Variants in CCDC88C observed in about 807,000 individuals in gnomAD.
The protein encoded by CCDC88C is coiled-coil and HOOK domain protein 88C.
CCDC88C carries 131 observed loss-of-function variants against 198.8 expected under a neutral mutation model. That is an observed-to-expected ratio of 0.66 (90% confidence interval 0.57 to 0.76). The LOEUF (loss-of-function observed/expected upper bound fraction) is 0.76, where lower values mean the gene tolerates loss of function less well. CCDC88C is among the 30% of genes least tolerant of loss of function. The pLI is 0.00. For missense variants in CCDC88C, 2,553 were observed against 2,631.6 expected (o/e 0.97, Z 0.65); for synonymous variants, 1,166 against 1,114.7 (o/e 1.05, Z -0.92).
intron 6 of CCDC88C, chr14:91,342,172 T>A (rs1473824819): frequency 2.4e-6 from 1 of 417,176 alleles, no homozygotes; most frequent in Non-Finnish European, 4.3e-6. Context: ...TAATTTTTAT[T>A]TTTACCCTCA....
rs750306032 is a variant in CCDC88C, at chr14:91,289,107, T to C, written c.4439A>G (p.Lys1480Arg). The change falls in exon 25 of 30, where the codon AAA becomes AGA. Residue 1480 changes from lysine to arginine, a missense_variant and splice_region_variant. Coordinates refer to ENST00000389857, the MANE Select transcript of CCDC88C (RefSeq NM_001080414.4). ...ERDAHNGSVG[K>R]GPGDLKPKRG... ...ACGGCCAGGACGGCCGCCCCTACCTTTCCCCACAGACCCGTTGTGGGCGTC... is the reference window on the plus strand; with the variant it reads ...ACGGCCAGGACGGCCGCCCCTACCTCTCCCCACAGACCCGTTGTGGGCGTC... 6.2e-7 allele frequency: 1 copy of C among 1,611,236 alleles called. No individual in the cohort carries two copies. Among genetic ancestry groups the C allele is most frequent in the African/African-American group, 1.3e-5 (1 of 74,838 alleles).
intron 3 of CCDC88C, among the ~76,000 whole-genome samples, chr14:91,372,430 A>G (rs1051700752): frequency 3.3e-5 from 5 of 150,326 alleles, no homozygotes; most frequent in African/African-American, 1.2e-4. Flanking sequence ...GGAGCAGAGG[A>G]GAGCGGGGAA....
chr14:91,413,230 C>T (rs1886877275), intron 2 of CCDC88C, among the ~76,000 whole-genome samples: 1 of 152,218 alleles, frequency 6.6e-6, no homozygotes, highest in Non-Finnish European at 1.5e-5. Flanking sequence ...TGTCCACACA[C>T]AAACTCAGAT....
chr14:91,307,799 CGTG>C (rs1279018607), intron 17 of CCDC88C, among the ~76,000 whole-genome samples: 30 of 152,214 alleles, frequency 2.0e-4, no homozygotes, highest in African/African-American at 5.3e-4. Flanking sequence ...TGTGCACACA[CGTG>C]GTGGGCACAT....
intron 3 of CCDC88C, among the ~76,000 whole-genome samples, chr14:91,386,727 G>C (rs1461942495): frequency 6.6e-6 from 1 of 152,218 alleles, no homozygotes; most frequent in South Asian, 2.1e-4. Context: ...AAATGGGAGG[G>C]AAGCCTTGTG....
chr14:91,372,327 T>G (rs1455359968), intron 3 of CCDC88C, among the ~76,000 whole-genome samples: 1 of 151,690 alleles, frequency 6.6e-6, no homozygotes, highest in African/African-American at 2.4e-5. Context: ...GGCCCTGTCC[T>G]GGGGAGCTCA....
At chr14:91,326,172 G>C (rs1299212258) in intron 10 of CCDC88C, 116 bp from the exon 11 acceptor site, 5 of 869,346 alleles carry the variant, frequency 5.8e-6, no homozygotes, top group Non-Finnish European at 8.6e-6. Context: ...AATCTAGAGG[G>C]AAGTCCGAGG....
intron 2 of CCDC88C, among the ~76,000 whole-genome samples, chr14:91,415,897 C>G (rs1483170825): frequency 6.6e-6 from 1 of 152,164 alleles, no homozygotes; most frequent in Non-Finnish European, 1.5e-5. Flanking sequence ...TGACAACTTG[C>G]TCAGTCGTAG....
chr14:91,277,445 T>C (rs569578274), intron 29 of CCDC88C, among the ~76,000 whole-genome samples: 11 of 152,366 alleles, frequency 7.2e-5, no homozygotes, highest in Admixed American at 2.0e-4. Flanking sequence ...TGTCCATCTA[T>C]TGACATAGGA....
chr14:91,281,100 C>G (rs1206266712), intron 27 of CCDC88C: 1 of 475,140 alleles, frequency 2.1e-6, no homozygotes, highest in East Asian at 6.3e-5. Flanking sequence ...CTCAGAGCTA[C>G]TATGGGCAAC....
chr14:91,324,973 C>T (rs373104043), intron 11 of CCDC88C, 50 bp from the exon 12 acceptor site: 1 of 1,608,928 alleles, frequency 6.2e-7, no homozygotes, highest in Non-Finnish European at 8.5e-7. Context: ...GCTGGAGATC[C>T]CCCTGGACAA....
Position 91,326,028 on chromosome 14 carries a change from A to G in CCDC88C, c.1079T>C (p.Ile360Thr), listed in dbSNP as rs1455940474. Residue 360 changes from isoleucine (I) to threonine (T), a missense_variant, in exon 11 of 30, where the codon ATT becomes ACT. Ile to Thr is a moderately conservative substitution (Grantham distance 89). Coordinates refer to ENST00000389857, the MANE Select transcript of CCDC88C (RefSeq NM_001080414.4). The stretch of plus-strand genomic sequence containing the variant: ...TTCCTCCAGCATGGCCTTGGTTTCA[A>G]TTAAAATGATATTATCTTCTCTCAG... ...EELREDNIILIETKAMLEEQL... is the reference protein window; with the variant it reads ...EELREDNIILTETKAMLEEQL... 1.2e-6 allele frequency: 2 copies of G among 1,608,630 alleles called. No homozygotes were observed. Among genetic ancestry groups the G allele is most frequent in the South Asian group, 1.1e-5 (1 of 89,870 alleles).
At chr14:91,278,549 A>G (rs1378135522) in intron 28 of CCDC88C, among the ~76,000 whole-genome samples, 1 of 152,244 alleles carries the variant, frequency 6.6e-6, no homozygotes, top group Non-Finnish European at 1.5e-5. Flanking sequence ...TGTACAGGGA[A>G]GGTTCATGAA....
chr14:91,376,231 C>T (rs1004646813), intron 3 of CCDC88C, among the ~76,000 whole-genome samples: 8 of 152,146 alleles, frequency 5.3e-5, no homozygotes, highest in African/African-American at 1.7e-4. Flanking sequence ...CCCAGGTGCT[C>T]GTCGCCGGGC....
chr14:91,295,877 G>C (rs1596036253), intron 22 of CCDC88C, among the ~76,000 whole-genome samples: 2 of 152,178 alleles, frequency 1.3e-5, no homozygotes, highest in Admixed American at 1.3e-4. Context: ...TGCCATGAGG[G>C]TGGGCTCTGA....
chr14:91,371,982 C>G lies in CCDC88C; in HGVS notation c.271-12271G>C, dbSNP rs1403971180. 6.6e-6 allele frequency among the ~76,000 whole-genome samples: 1 copy of G among 152,132 alleles called. No individual in the cohort carries two copies. The highest frequency in any genetic ancestry group is 6.5e-5 in the Admixed American group (1 of 15,284). On this transcript the variant is annotated intron_variant, in intron 3 of 29. Transcript: ENST00000389857. This position sits in a 1 kb window ranked among gnomAD's most constrained non-coding sequence, Gnocchi z 4.2. Reference sequence around the variant, plus strand: ...AGGCAGGCAGTGGGGGCAGCCAGCCCCCAACCTCACGCCCCAACCTGAGCC... The same window carrying G: ...AGGCAGGCAGTGGGGGCAGCCAGCCGCCAACCTCACGCCCCAACCTGAGCC...
intron 26 of CCDC88C, among the ~76,000 whole-genome samples, chr14:91,282,371 C>T (rs1890233715): frequency 1.3e-5 from 2 of 152,226 alleles, no homozygotes; most frequent in South Asian, 2.1e-4. Flanking sequence ...ACTCCTTCAG[C>T]TGTTTCTTTG....
At chr14:91,337,892 C>A in intron 10 of CCDC88C, 113 bp downstream of exon 10, 1 of 1,342,354 alleles carries the variant, frequency 7.4e-7, no homozygotes, top group Non-Finnish European at 1.0e-6. Context: ...GAAGCATCTG[C>A]TGAAACAGCT....
chr14:91,379,624 G>A (rs1884661425), intron 3 of CCDC88C: 3 of 579,262 alleles, frequency 5.2e-6, no homozygotes, highest in Non-Finnish European at 9.2e-6. Flanking sequence ...TGCCTCCTGG[G>A]GTAGGAACTC....
Sources: gnomAD v4.1 joint callset for allele counts (sites outside exome capture counted in the v4.1 genomes callset) on GRCh38, gnomAD v4.1.1 for gene constraint, Gnocchi (gnomAD v3.1) non-coding constraint, MANE v1.5 for transcripts, NCBI Gene and HGNC (gene_info 2026-07-23, HGNC 2026-07-21) for gene names.